NDUFS4: variants seen among roughly 807,000 people sequenced by gnomAD.
NDUFS4 encodes NADH:ubiquinone oxidoreductase subunit S4.
In NDUFS4, 28 loss-of-function variants were observed where a neutral mutation model predicts 24.3. That is an observed-to-expected ratio of 1.15 (90% CI 0.85 to 1.58). NDUFS4 has a LOEUF of 1.58. Among genes scored for constraint, NDUFS4 ranks in the 40% most tolerant of loss-of-function variants. The pLI is 0.00. For missense variants in NDUFS4, 223 were observed against 207.9 expected (o/e 1.07, Z -0.45); for synonymous variants, 93 against 69.7 (o/e 1.34, Z -1.67).
intron 2 of NDUFS4, among the ~76,000 whole-genome samples, chr5:53,635,456 G>T (rs1751523759): frequency 6.6e-6 from 1 of 152,050 alleles, no homozygotes; most frequent in South Asian, 2.1e-4. Context: ...GAAACTCAAG[G>T]TTGCAGTAAG....
intron 1 of NDUFS4, among the ~76,000 whole-genome samples, chr5:53,579,555 T>C (rs1749492427): frequency 6.6e-6 from 1 of 152,082 alleles, no homozygotes; most frequent in African/African-American, 2.4e-5. Flanking sequence ...AAAAGTAAAA[T>C]CAAATAAAAA....
intron 1 of NDUFS4, among the ~76,000 whole-genome samples, chr5:53,585,551 G>A (rs139109702): frequency 0.011 from 1,654 of 152,154 alleles, 12 homozygotes; most frequent in Non-Finnish European, 0.017. Context: ...TTCGAGACCA[G>A]CCTCAACATG....
chr5:53,659,157 A>G (rs761069321), intron 4 of NDUFS4, among the ~76,000 whole-genome samples: 3 of 152,116 alleles, frequency 2.0e-5, no homozygotes, highest in Non-Finnish European at 4.4e-5. Flanking sequence ...GCCTAATCTC[A>G]ACTGTATAAT....
intron 2 of NDUFS4, among the ~76,000 whole-genome samples, chr5:53,643,656 G>A (rs773299756): frequency 7.9e-5 from 12 of 152,116 alleles, no homozygotes; most frequent in Non-Finnish European, 1.6e-4. Context: ...GTGTCGTGAT[G>A]CATTTTTAAA....
rs763223877 is a variant in NDUFS4 at position 53,646,215 on chromosome 5, T to G, written c.178-18T>G. On this transcript the variant is annotated intron_variant, in intron 2 of 4. Transcript: ENST00000296684. ...GTAGGCTGTTTGAAACGTGTTTTTT[T>G]TTCTTGTTTTTCTGTAGGATATCAC... 6.3e-7 allele frequency: 1 copy of G among 1,587,014 alleles called. No individual in the cohort carries two copies. Among genetic ancestry groups the G allele is most frequent in the Non-Finnish European group, 8.6e-7 (1 of 1,158,688 alleles).
At chr5:53,669,822 A>C (rs1752614886) in intron 4 of NDUFS4, among the ~76,000 whole-genome samples, 1 of 152,166 alleles carries the variant, frequency 6.6e-6, no homozygotes, top group Admixed American at 6.5e-5. Flanking sequence ...ATTTAGCAGC[A>C]AATTTAGTAA....
chr5:53,628,145 G>C (rs1439534661), intron 2 of NDUFS4, among the ~76,000 whole-genome samples: 1 of 152,104 alleles, frequency 6.6e-6, no homozygotes, highest in Admixed American at 6.6e-5. Flanking sequence ...TAATCATGTG[G>C]TTTTTGTCAT....
intron 4 of NDUFS4, among the ~76,000 whole-genome samples, chr5:53,664,960 T>A (rs1752469649): frequency 6.6e-6 from 1 of 152,264 alleles, no homozygotes; most frequent in African/African-American, 2.4e-5. Context: ...TTTGTGGTTT[T>A]ATCTACCTTT....
At chr5:53,676,689 CAAG>C (rs1250088830) in intron 4 of NDUFS4, among the ~76,000 whole-genome samples, 2 of 152,182 alleles carry the variant, frequency 1.3e-5, no homozygotes, top group Admixed American at 6.5e-5. Flanking sequence ...AGAGCTAAAA[CAAG>C]AAGGCAGAGC....
intron 4 of NDUFS4, among the ~76,000 whole-genome samples, chr5:53,677,675 G>A (rs1740523932): frequency 6.6e-6 from 1 of 152,134 alleles, no homozygotes; most frequent in South Asian, 2.1e-4. Flanking sequence ...ACATAGCCTG[G>A]TGAAGAATCT....
At chr5:53,659,647 A>G (rs1752270634) in intron 4 of NDUFS4, among the ~76,000 whole-genome samples, 1 of 152,188 alleles carries the variant, frequency 6.6e-6, no homozygotes, top group African/African-American at 2.4e-5. Flanking sequence ...AGTTTCTCAA[A>G]TTGAATTTGT....
chr5:53,627,804 A>G (rs1448842043), intron 2 of NDUFS4, among the ~76,000 whole-genome samples: 3 of 152,174 alleles, frequency 2.0e-5, no homozygotes, highest in Admixed American at 1.3e-4. Flanking sequence ...TACTTTCATG[A>G]TACACAATAA....
At chr5:53,669,885 A>G (rs1436451773) in intron 4 of NDUFS4, among the ~76,000 whole-genome samples, 1 of 151,682 alleles carries the variant, frequency 6.6e-6, no homozygotes, top group African/African-American at 2.4e-5. Flanking sequence ...AAATCACCTT[A>G]ATTTGGTGAC....
chr5:53,621,216 T>A (rs1248717461), intron 2 of NDUFS4, among the ~76,000 whole-genome samples: 2 of 152,224 alleles, frequency 1.3e-5, no homozygotes, highest in East Asian at 1.9e-4. Context: ...TGGTGCTGTT[T>A]CTTTTTCTGA....
intron 1 of NDUFS4, among the ~76,000 whole-genome samples, chr5:53,563,336 A>T (rs1053206603): frequency 7.9e-5 from 12 of 152,110 alleles, no homozygotes; most frequent in African/African-American, 2.7e-4. Context: ...AAAACAAAGA[A>T]TGCAACAACA....
At chr5:53,639,151 CT>C (rs1407623767) in intron 2 of NDUFS4, among the ~76,000 whole-genome samples, 2 of 151,938 alleles carry the variant, frequency 1.3e-5, no homozygotes, top group Middle Eastern at 3.4e-3. Context: ...AAAATACATC[CT>C]TTATTGCATT....
chr5:53,588,494 A>T (rs1749841806), intron 1 of NDUFS4, among the ~76,000 whole-genome samples: 1 of 152,208 alleles, frequency 6.6e-6, no homozygotes, highest in Non-Finnish European at 1.5e-5. Flanking sequence ...GTTCAAGATC[A>T]TATTGCTCTT....
At chr5:53,665,718 A>G (rs891926613) in intron 4 of NDUFS4, among the ~76,000 whole-genome samples, 8 of 152,192 alleles carry the variant, frequency 5.3e-5, no homozygotes, top group Non-Finnish European at 1.2e-4. Context: ...TCCAGGTGCC[A>G]TCTGTCACCC....
At chr5:53,665,442 G>C (rs979972775) in intron 4 of NDUFS4, among the ~76,000 whole-genome samples, 2 of 152,260 alleles carry the variant, frequency 1.3e-5, no homozygotes, top group Non-Finnish European at 2.9e-5. Flanking sequence ...TACAGAGGCA[G>C]GCAGGCCTTC....
Sources: gnomAD v4.1 joint callset for allele counts (sites outside exome capture counted in the v4.1 genomes callset) on GRCh38, gnomAD v4.1.1 for gene constraint, MANE v1.5 for transcripts, NCBI Gene and HGNC (gene_info 2026-07-23, HGNC 2026-07-21) for gene names.